Variants in SLIT3 observed in about 807,000 individuals in gnomAD.
The protein encoded by SLIT3 is slit homolog 3 protein.
Under a neutral mutation model 184.0 loss-of-function variants are expected in SLIT3, and 68 were observed. That is an observed-to-expected ratio of 0.37 (90% CI 0.30 to 0.45). The LOEUF (loss-of-function observed/expected upper bound fraction) is 0.45, where lower values mean the gene tolerates loss of function less well. SLIT3 is among the 20% of genes least tolerant of loss of function. The pLI is 1.00. For synonymous variants in SLIT3, 831 were observed against 828.6 expected, an observed-to-expected ratio of 1.00 and a Z score of -0.05; for missense variants, 1,707 against 2,026.0, an observed-to-expected ratio of 0.84 and a Z score of 3.02.
intron 4 of SLIT3, among the ~76,000 whole-genome samples, chr5:168,918,381 G>A (rs906759167): frequency 7.9e-5 from 12 of 152,074 alleles, no homozygotes; most frequent in African/African-American, 2.9e-4. Flanking sequence ...ACTTGCATCA[G>A]AACAAAAATA....
chr5:168,927,362 T>C (rs557626197), intron 4 of SLIT3, among the ~76,000 whole-genome samples: 1 of 151,458 alleles, frequency 6.6e-6, no homozygotes, highest in African/African-American at 2.4e-5. Flanking sequence ...GGTTTGGGGG[T>C]AGGAGGGGAT....
At chr5:168,702,973 A>G (rs1582547595) in intron 26 of SLIT3, among the ~76,000 whole-genome samples, 1 of 151,986 alleles carries the variant, frequency 6.6e-6, no homozygotes, top group Admixed American at 6.5e-5. Flanking sequence ...GTGGTGGTGG[A>G]GGTGGTGGCA....
intron 11 of SLIT3, 94 bp from the exon 12 acceptor site, chr5:168,786,072 T>C: frequency 1.2e-6 from 1 of 835,714 alleles, no homozygotes; most frequent in Admixed American, 1.9e-5. Flanking sequence ...CAGTTCTGGG[T>C]ATGAGATCTC....
chr5:169,109,203 T>C (rs559467128), intron 4 of SLIT3, among the ~76,000 whole-genome samples: 1 of 152,294 alleles, frequency 6.6e-6, no homozygotes, highest in East Asian at 1.9e-4. Context: ...TGCATGAGAC[T>C]CTGTCTCAGA....
intron 4 of SLIT3, among the ~76,000 whole-genome samples, chr5:168,900,525 G>A (rs1166168164): frequency 6.6e-6 from 1 of 152,164 alleles, no homozygotes; most frequent in East Asian, 1.9e-4. Flanking sequence ...GGAGGTAGGA[G>A]AATTGCTTGA....
chr5:169,146,606 G>A (rs1273914711), intron 4 of SLIT3, among the ~76,000 whole-genome samples: 2 of 151,974 alleles, frequency 1.3e-5, no homozygotes, highest in Non-Finnish European at 2.9e-5. Context: ...TGCCTCCACT[G>A]CTACCTGCAC....
intron 4 of SLIT3, among the ~76,000 whole-genome samples, chr5:169,122,567 C>T (rs1760922434): frequency 6.6e-6 from 1 of 152,124 alleles, no homozygotes; most frequent in South Asian, 2.1e-4. Context: ...TATCAGTTTC[C>T]CCCCACACAA....
At chr5:169,147,220 T>C (rs1356275693) in intron 4 of SLIT3, among the ~76,000 whole-genome samples, 2 of 152,206 alleles carry the variant, frequency 1.3e-5, no homozygotes, top group East Asian at 3.9e-4. Context: ...TGTCAGAGGG[T>C]CTGGCACATA....
intron 12 of SLIT3, among the ~76,000 whole-genome samples, chr5:168,779,216 T>C (rs1755878829): frequency 6.6e-6 from 1 of 152,158 alleles, no homozygotes; most frequent in Non-Finnish European, 1.5e-5. Context: ...ACTCACGACA[T>C]CATAGCCCAA....
chr5:168,951,157 T>C (rs1230065813), intron 4 of SLIT3, among the ~76,000 whole-genome samples: 1 of 151,946 alleles, frequency 6.6e-6, no homozygotes, highest in Non-Finnish European at 1.5e-5. Context: ...GAGGTGGAGG[T>C]TGCAGTGAGC....
At chr5:169,240,663 AT>A (rs1561760224) in intron 3 of SLIT3, among the ~76,000 whole-genome samples, 2 of 96,090 alleles carry the variant, frequency 2.1e-5, no homozygotes, top group South Asian at 6.3e-4. Context: ...TATGTTTGGT[AT>A]TTTTTAAATA....
intron 16 of SLIT3, among the ~76,000 whole-genome samples, chr5:168,756,702 G>A (rs1754959785): frequency 6.6e-6 from 1 of 152,150 alleles, no homozygotes; most frequent in Non-Finnish European, 1.5e-5. Context: ...ATGAGATGCA[G>A]GAGGAGAGAT....
chr5:168,678,539 C>T (rs1432002455), intron 32 of SLIT3, among the ~76,000 whole-genome samples: 9 of 151,772 alleles, frequency 5.9e-5, no homozygotes, highest in East Asian at 1.9e-4. Context: ...AAAAATTAGC[C>T]GGGCGTGGTG....
intron 1 of SLIT3, among the ~76,000 whole-genome samples, chr5:169,271,273 T>C (rs1005872617): frequency 2.3e-4 from 35 of 152,142 alleles, no homozygotes; most frequent in African/African-American, 5.8e-4. Context: ...GAATAAGCTA[T>C]AGGGGGCTCC....
At chr5:169,017,081 C>T (rs13355042) in intron 4 of SLIT3, among the ~76,000 whole-genome samples, 16,699 of 152,144 alleles carry the variant, frequency 0.11, 2,425 homozygotes, top group African/African-American at 0.33. Flanking sequence ...GCTTTAAATC[C>T]TCAAGTAACT....
chr5:169,246,921 CAAAAAAAAAAAAA>C (rs34365189), intron 2 of SLIT3, among the ~76,000 whole-genome samples: 16 of 25,616 alleles, frequency 6.2e-4, no homozygotes, highest in Non-Finnish European at 7.4e-4. Context: ...GACTCTGTCT[CAAAAAAAAAAAAA>C]AAAAAAAAAA....
At chr5:168,765,185 G>A (rs1292548038) in intron 14 of SLIT3, among the ~76,000 whole-genome samples, 1 of 152,208 alleles carries the variant, frequency 6.6e-6, no homozygotes, top group African/African-American at 2.4e-5. Flanking sequence ...TGTGGCTGGG[G>A]ACAGCCGCCT....
intron 4 of SLIT3, among the ~76,000 whole-genome samples, chr5:168,940,762 C>A (rs528483124): frequency 3.3e-4 from 50 of 152,214 alleles, no homozygotes; most frequent in African/African-American, 9.4e-4. Context: ...TGAAAGCTGC[C>A]AGTGTTGTCA....
At chr5:169,181,359 T>C (rs1274435699) in intron 4 of SLIT3, among the ~76,000 whole-genome samples, 1 of 152,172 alleles carries the variant, frequency 6.6e-6, no homozygotes, top group Non-Finnish European at 1.5e-5. Flanking sequence ...GAGACAGATA[T>C]AGGAAGAAGA....
Sources: allele counts gnomAD v4.1 joint callset (sites outside exome capture counted in the v4.1 genomes callset), GRCh38; gene constraint gnomAD v4.1.1; transcripts MANE v1.5; gene names NCBI Gene and HGNC (gene_info 2026-07-23, HGNC 2026-07-21).